The following NFASC variants were observed in gnomAD, a reference collection of about 807,000 sequenced individuals.
NFASC encodes neurofascin homolog.
In NFASC, 43 loss-of-function variants were observed where a neutral mutation model predicts 147.5. The ratio of observed to expected loss-of-function variants is 0.29; its 90% CI spans 0.23 to 0.38. The LOEUF is 0.38. Ranked by LOEUF, NFASC falls within the 10% of genes least tolerant of loss-of-function variation. NFASC has a pLI of 1.00. For missense variants in NFASC, 1,320 were observed against 1,689.0 expected (o/e 0.78, Z 3.83); for synonymous variants, 622 against 665.5 (o/e 0.93, Z 1.01).
In NFASC at chr1:204,968,350, G is replaced by A. The variant is rs371635013; in HGVS notation, c.808G>A (p.Ala270Thr). The A allele has an allele frequency of 1.5e-5, 24 of 1,612,964 alleles. No homozygotes were observed. The highest frequency in any genetic ancestry group is 4.5e-5 in the East Asian group (2 of 44,870). Reference protein sequence around the residue: ...RGMDLLLECIASGVPTPDIAW... With the variant: ...RGMDLLLECITSGVPTPDIAW... ...CATGGACCTCCTGCTGGAATGCATC[G>A]CCTCCGGGGTGTATGTGCGGTTTGC... Residue 270 changes from alanine (A) to threonine (T), a missense_variant, in exon 9 of 30, where the codon GCC becomes ACC. Around this residue, in one of 3 missense-constraint regions of NFASC, gnomAD observed 981 missense variants for 1,289.5 expected, o/e 0.76. Coordinates refer to ENST00000339876, the MANE Select transcript of NFASC (RefSeq NM_001005388.3). The surrounding 1 kb of genome is among the most constrained non-coding windows in gnomAD (Gnocchi z 5.4).
At chr1:204,921,559 T>G (rs1287176083) in intron 2 of NFASC, among the ~76,000 whole-genome samples, 1 of 151,916 alleles carries the variant, frequency 6.6e-6, no homozygotes, top group Non-Finnish European at 1.5e-5. Context: ...GGGAGGGGCG[T>G]GGAGAGGGTT....
chr1:204,950,277 C>G (rs1312384961), intron 3 of NFASC, among the ~76,000 whole-genome samples: 4 of 152,240 alleles, frequency 2.6e-5, no homozygotes, highest in Non-Finnish European at 4.4e-5. Flanking sequence ...TGACACTGTC[C>G]TTTGATCAGA....
chr1:204,839,996 T>C (rs550939791), intron 1 of NFASC, among the ~76,000 whole-genome samples: 8 of 152,246 alleles, frequency 5.3e-5, no homozygotes, highest in African/African-American at 1.7e-4. Context: ...ATATCCCTGT[T>C]GGGGTTGGGG....
chr1:204,977,848 T>C, intron 17 of NFASC, 123 bp downstream of exon 17: 1 of 785,554 alleles, frequency 1.3e-6, no homozygotes. Flanking sequence ...GCAGCACTCC[T>C]GGCTACATGG....
chr1:205,005,773 C>A (rs942732276), intron 27 of NFASC, among the ~76,000 whole-genome samples: 7 of 152,216 alleles, frequency 4.6e-5, no homozygotes, highest in Non-Finnish European at 7.3e-5. Flanking sequence ...CCAGATCCCA[C>A]TTGGTTTTGA....
chr1:204,840,867 G>T (rs1675149517), intron 1 of NFASC, among the ~76,000 whole-genome samples: 1 of 152,196 alleles, frequency 6.6e-6, no homozygotes, highest in Admixed American at 6.5e-5. Context: ...AAAGTGACTA[G>T]CACAAACTGT....
At chr1:204,993,822 G>C (rs115582406) in intron 24 of NFASC, 5 of 515,424 alleles carry the variant, frequency 9.7e-6, no homozygotes, top group Non-Finnish European at 1.9e-5. Context: ...TCTCAGCTTC[G>C]TTGCTCTTCT....
chr1:204,939,566 T>G (rs2093200069), intron 2 of NFASC, among the ~76,000 whole-genome samples: 1 of 152,264 alleles, frequency 6.6e-6, no homozygotes, highest in Admixed American at 6.5e-5. Flanking sequence ...GGGAGTTTCC[T>G]GGTCCTCCCT....
At chr1:204,956,898 A>G (rs1267656700) in intron 7 of NFASC, among the ~76,000 whole-genome samples, 2 of 151,432 alleles carry the variant, frequency 1.3e-5, no homozygotes, top group African/African-American at 4.9e-5. Flanking sequence ...TACATCAGAT[A>G]TAGCACTTGA....
intron 1 of NFASC, among the ~76,000 whole-genome samples, chr1:204,859,405 T>A (rs2076474095): frequency 6.6e-6 from 1 of 152,210 alleles, no homozygotes; most frequent in Non-Finnish European, 1.5e-5. Context: ...CATCTCTTCC[T>A]CCTGTCCTCA....
chr1:204,895,859 G>T (rs2083287413), intron 1 of NFASC, among the ~76,000 whole-genome samples: 1 of 152,052 alleles, frequency 6.6e-6, no homozygotes, highest in Non-Finnish European at 1.5e-5. Flanking sequence ...TTATGTAAGT[G>T]ACTCCTCTAA....
chr1:204,987,177 T>A lies in NFASC; in HGVS notation c.2471-241T>A. ...GCTAGAAGAAAACCTGATTTACTTC[T>A]TCCTCTCTTAAATAGCAGAGTCTGA... On this transcript the variant is annotated intron_variant, in intron 21 of 29. Coordinates refer to ENST00000339876, the MANE Select transcript of NFASC (RefSeq NM_001005388.3). This position sits in a 1 kb window ranked among gnomAD's most constrained non-coding sequence, Gnocchi z 4.4. 1 of 546,546 alleles carries A rather than the reference T, an allele frequency of 1.8e-6. No individual in the cohort carries two copies. The highest frequency in any genetic ancestry group is 2.5e-5 in the South Asian group (1 of 39,454). 33.9% of individuals were successfully genotyped at this position (546,546 alleles called of 1,614,324 possible).
intron 1 of NFASC, among the ~76,000 whole-genome samples, chr1:204,851,355 C>T (rs564581461): frequency 2.8e-5 from 4 of 144,490 alleles, no homozygotes; most frequent in East Asian, 4.0e-4. Context: ...TTTTTTGAGA[C>T]GGAGTCTCAC....
chr1:204,977,970 C>T (rs548545347), intron 17 of NFASC, among the ~76,000 whole-genome samples: 5 of 152,348 alleles, frequency 3.3e-5, no homozygotes, highest in African/African-American at 1.2e-4. Context: ...CATCCCTTGC[C>T]TCCATCCACA....
chr1:204,946,353 A>G (rs2093733851), intron 3 of NFASC: 1 of 511,014 alleles, frequency 2.0e-6, no homozygotes, highest in Non-Finnish European at 3.9e-6. Context: ...TGCGGGTTAG[A>G]GACAAGGAAG....
At chr1:204,858,210 G>A (rs574173816) in intron 1 of NFASC, among the ~76,000 whole-genome samples, 6 of 152,146 alleles carry the variant, frequency 3.9e-5, no homozygotes, top group African/African-American at 1.4e-4. Flanking sequence ...GTGAGCCACC[G>A]AGGCTGGCCT....
chr1:204,926,560 C>G (rs1485161587), intron 2 of NFASC, among the ~76,000 whole-genome samples: 1 of 149,556 alleles, frequency 6.7e-6, no homozygotes, highest in South Asian at 2.1e-4. Context: ...ACCACAGTTG[C>G]GCGCCACCAT....
intron 24 of NFASC, among the ~76,000 whole-genome samples, chr1:204,991,827 G>A (rs1338378981): frequency 6.6e-6 from 1 of 152,252 alleles, no homozygotes; most frequent in East Asian, 1.9e-4. Context: ...AGCCACCACG[G>A]GCTCTGCTCA....
chr1:205,009,844 A>G (rs935293053), intron 28 of NFASC, 156 bp downstream of exon 28: 26 of 791,754 alleles, frequency 3.3e-5, no homozygotes, highest in Non-Finnish European at 4.6e-5. Flanking sequence ...GCATCTTCAG[A>G]CTGCCAGCGA....
Sources: gnomAD v4.1 joint callset for allele counts (sites outside exome capture counted in the v4.1 genomes callset) on GRCh38, gnomAD v4.1.1 for gene constraint, gnomAD v4.1.1 regional missense constraint, Gnocchi (gnomAD v3.1) non-coding constraint, MANE v1.5 for transcripts, NCBI Gene and HGNC (gene_info 2026-07-23, HGNC 2026-07-21) for gene names.